The following NRXN3 variants were observed in gnomAD, a reference collection of about 807,000 sequenced individuals.
The protein encoded by NRXN3 is neurexin III.
NRXN3 carries 32 observed loss-of-function variants against 137.6 expected under a neutral mutation model. The observed-to-expected ratio is 0.23, with a 90% confidence interval of 0.18 to 0.31. NRXN3 has a LOEUF of 0.31. NRXN3 is among the 10% of genes least tolerant of loss of function. The probability of loss-of-function intolerance (pLI) is 1.00; values close to 1 mark genes in which losing one functional copy is unlikely to be tolerated. For synonymous variants in NRXN3, 798 were observed against 784.5 expected, an observed-to-expected ratio of 1.02 and a Z score of -0.29; for missense variants, 1,574 against 2,062.5, an observed-to-expected ratio of 0.76 and a Z score of 4.59.
chr14:79,432,712 CTG>C (rs2095783391), intron 15 of NRXN3, among the ~76,000 whole-genome samples: 1 of 152,044 alleles, frequency 6.6e-6, no homozygotes, highest in Non-Finnish European at 1.5e-5. Flanking sequence ...AAATTCTAAA[CTG>C]TGAGCTTTTG....
At chr14:78,809,079 C>T (rs2098894800) in intron 9 of NRXN3, among the ~76,000 whole-genome samples, 1 of 152,066 alleles carries the variant, frequency 6.6e-6, no homozygotes, top group Non-Finnish European at 1.5e-5. Flanking sequence ...TAACCTGAGA[C>T]CTTTCTCTGA....
chr14:78,410,909 A>G (rs960492330), intron 4 of NRXN3, among the ~76,000 whole-genome samples: 6 of 152,134 alleles, frequency 3.9e-5, no homozygotes, highest in African/African-American at 1.2e-4. Context: ...CTTGTCAGTG[A>G]TTTCTTCCCT....
At chr14:79,519,008 C>A (rs2097028103) in intron 16 of NRXN3, among the ~76,000 whole-genome samples, 1 of 152,156 alleles carries the variant, frequency 6.6e-6, no homozygotes, top group African/African-American at 2.4e-5. Flanking sequence ...ATTCTCTACT[C>A]TTTAAAAGCT....
At chr14:79,145,393 G>A (rs2059209171) in intron 15 of NRXN3, among the ~76,000 whole-genome samples, 1 of 152,064 alleles carries the variant, frequency 6.6e-6, no homozygotes, top group African/African-American at 2.4e-5. Context: ...ATCTCACTTA[G>A]TTCTACAATC....
At chr14:78,668,930 A>ATCTATCTGTCTGTCTGTCTG (rs573422799) in intron 6 of NRXN3, among the ~76,000 whole-genome samples, 4 of 149,274 alleles carry the variant, frequency 2.7e-5, no homozygotes, top group African/African-American at 1.0e-4. Flanking sequence ...CTATCTATCT[A>ATCTATCTGTCTGTCTGTCTG]TCTGTCTGTC....
At chr14:79,289,722 A>G (rs1031296568) in intron 15 of NRXN3, among the ~76,000 whole-genome samples, 19 of 152,190 alleles carry the variant, frequency 1.2e-4, no homozygotes, top group Admixed American at 2.0e-4. Context: ...TTGTATAGGA[A>G]ACCTCAGTGT....
chr14:79,125,986 T>C (rs1012304685), intron 15 of NRXN3, among the ~76,000 whole-genome samples: 1 of 152,136 alleles, frequency 6.6e-6, no homozygotes, highest in Non-Finnish European at 1.5e-5. Flanking sequence ...TTTTCAGTTA[T>C]CTTACTCATT....
At chr14:79,467,718 G>A (rs2096448342) in intron 16 of NRXN3, among the ~76,000 whole-genome samples, 2 of 150,136 alleles carry the variant, frequency 1.3e-5, no homozygotes, top group African/African-American at 4.9e-5. Flanking sequence ...TACCTGGTGT[G>A]GATCTTACCT....
At chr14:78,480,256 C>G (rs566212653) in intron 4 of NRXN3, among the ~76,000 whole-genome samples, 18 of 152,330 alleles carry the variant, frequency 1.2e-4, no homozygotes, top group Non-Finnish European at 2.2e-4. Flanking sequence ...CTCATTGCAT[C>G]TGAGATGTTC....
At chr14:79,739,220 A>T (rs2098952249) in intron 19 of NRXN3, among the ~76,000 whole-genome samples, 1 of 152,202 alleles carries the variant, frequency 6.6e-6, no homozygotes, top group African/African-American at 2.4e-5. Flanking sequence ...GAAAAATCCA[A>T]AGTCATAGCC....
At chr14:78,676,123 T>C (rs549040864) in intron 6 of NRXN3, among the ~76,000 whole-genome samples, 1 of 152,250 alleles carries the variant, frequency 6.6e-6, no homozygotes, top group South Asian at 2.1e-4. Context: ...ATTAGGCCAA[T>C]TAATAGCCCT....
At chr14:78,456,180 AC>A (rs2094695491) in intron 4 of NRXN3, among the ~76,000 whole-genome samples, 1 of 152,014 alleles carries the variant, frequency 6.6e-6, no homozygotes, top group Non-Finnish European at 1.5e-5. Flanking sequence ...GACAGTCGAC[AC>A]CCCCCTACGA....
chr14:78,249,965 A>G, intron 2 of NRXN3: 1 of 361,168 alleles, frequency 2.8e-6, no homozygotes, highest in South Asian at 2.1e-5. Flanking sequence ...TATCTTCTTT[A>G]GTAACAATGA....
rs1042301891 is a variant in NRXN3 at position 79,636,385 on chromosome 14, T to C, written c.3445-27393T>C. Among the ~76,000 whole-genome samples, 8 of 152,256 alleles carry C rather than the reference T, an allele frequency of 5.3e-5. No individual in the cohort carries two copies. In the South Asian group the frequency reaches 1.0e-3, roughly 20 times the overall value. On this transcript the variant is annotated intron_variant, in intron 16 of 20. Transcript: ENST00000335750. ...TTTTTCTGACACACAGACTGTGAGTTCTTTTGTTTTTTGTTTTTGTTTTTC... is the reference window on the plus strand; with the variant it reads ...TTTTTCTGACACACAGACTGTGAGTCCTTTTGTTTTTTGTTTTTGTTTTTC...
intron 4 of NRXN3, among the ~76,000 whole-genome samples, chr14:78,352,476 A>G (rs2083672159): frequency 6.6e-6 from 1 of 151,946 alleles, no homozygotes; most frequent in Non-Finnish European, 1.5e-5. Flanking sequence ...TCTCCTAGTA[A>G]CTCTAGATAG....
chr14:78,922,895 G>A (rs192592496), intron 10 of NRXN3, among the ~76,000 whole-genome samples: 70 of 152,270 alleles, frequency 4.6e-4, no homozygotes, highest in East Asian at 1.2e-3. Flanking sequence ...GTTCTTTAGC[G>A]TCTTTCATGT....
intron 15 of NRXN3, among the ~76,000 whole-genome samples, chr14:79,282,948 C>T (rs1037427032): frequency 1.3e-5 from 2 of 152,132 alleles, no homozygotes; most frequent in South Asian, 2.1e-4. Flanking sequence ...AATATCCCTA[C>T]CTCTGGCTTC....
intron 10 of NRXN3, among the ~76,000 whole-genome samples, chr14:78,942,902 A>G (rs930227411): frequency 6.7e-6 from 1 of 150,152 alleles, no homozygotes; most frequent in Non-Finnish European, 1.5e-5. Flanking sequence ...TTTTTCAGTT[A>G]AAAAAGGAAA....
intron 2 of NRXN3, among the ~76,000 whole-genome samples, chr14:78,262,938 G>A (rs117787892): frequency 0.013 from 2,033 of 152,130 alleles, 19 homozygotes; most frequent in Non-Finnish European, 0.022. Flanking sequence ...GAGACTTCCC[G>A]ATCTACCCTC....
Sources: gnomAD v4.1 joint callset for allele counts (sites outside exome capture counted in the v4.1 genomes callset) on GRCh38, gnomAD v4.1.1 for gene constraint, MANE v1.5 for transcripts, NCBI Gene and HGNC (gene_info 2026-07-23, HGNC 2026-07-21) for gene names.